The following RNF13 variants were observed in gnomAD, a reference collection of about 807,000 sequenced individuals.
RNF13 encodes the protein ring finger protein 13.
Under a neutral mutation model 37.7 loss-of-function variants are expected in RNF13, and 19 were observed. That is an observed-to-expected ratio of 0.50 (90% CI 0.35 to 0.74). The LOEUF is 0.74. Among genes scored for constraint, RNF13 ranks in the 30% least tolerant of loss-of-function variants. The pLI is 0.01. For missense variants in RNF13, 375 were observed against 453.0 expected (o/e 0.83, Z 1.56); for synonymous variants, 144 against 157.8 (o/e 0.91, Z 0.65).
At chr3:149,948,970 G>A (rs1198809821) in intron 8 of RNF13, among the ~76,000 whole-genome samples, 3 of 152,064 alleles carry the variant, frequency 2.0e-5, no homozygotes, top group South Asian at 2.1e-4. Flanking sequence ...GAAGGTTGCC[G>A]AGAGTCGAGA....
intron 9 of RNF13, 109 bp downstream of exon 9, chr3:149,960,245 C>T: frequency 1.4e-6 from 1 of 734,892 alleles, no homozygotes; most frequent in South Asian, 1.7e-5. Context: ...AGAAGCCAGG[C>T]CCTGTACTAA....
intron 4 of RNF13, among the ~76,000 whole-genome samples, chr3:149,878,801 C>T (rs370414255): frequency 5.9e-5 from 9 of 152,136 alleles, no homozygotes; most frequent in African/African-American, 1.4e-4. Context: ...AGTACTTTTT[C>T]TCCTCTATTA....
At chr3:149,854,794 A>G (rs1474025939) in intron 3 of RNF13, among the ~76,000 whole-genome samples, 1 of 152,204 alleles carries the variant, frequency 6.6e-6, no homozygotes, top group Non-Finnish European at 1.5e-5. Flanking sequence ...GTTTCCTTAC[A>G]TGTCTACTTC....
chr3:149,951,875 G>C (rs559269627), intron 8 of RNF13, among the ~76,000 whole-genome samples: 3 of 152,270 alleles, frequency 2.0e-5, no homozygotes, highest in Admixed American at 2.0e-4. Context: ...GGATACACGA[G>C]CAGCTAAAGG....
chr3:149,903,569 C>T (rs761153020), intron 6 of RNF13, among the ~76,000 whole-genome samples: 8 of 152,000 alleles, frequency 5.3e-5, no homozygotes, highest in African/African-American at 9.7e-5. Context: ...TGGAACCATA[C>T]GGTGCCTAAT....
intron 4 of RNF13, among the ~76,000 whole-genome samples, chr3:149,875,423 C>A (rs975693952): frequency 6.6e-6 from 1 of 152,038 alleles, no homozygotes; most frequent in Non-Finnish European, 1.5e-5. Flanking sequence ...ATTAAAGAAA[C>A]CTACACTTTT....
chr3:149,828,383 G>T (rs1257898944), intron 1 of RNF13, among the ~76,000 whole-genome samples: 1 of 152,130 alleles, frequency 6.6e-6, no homozygotes, highest in East Asian at 1.9e-4. Flanking sequence ...TTTATGTGAG[G>T]AATCATGAAA....
At chr3:149,834,846 C>G (rs1168509217) in intron 1 of RNF13, among the ~76,000 whole-genome samples, 1 of 152,130 alleles carries the variant, frequency 6.6e-6, no homozygotes, top group Admixed American at 6.6e-5. Flanking sequence ...TTATAAATTA[C>G]CCAGCTTCAG....
At chr3:149,941,691 G>A (rs773049477) in intron 8 of RNF13, among the ~76,000 whole-genome samples, 8 of 151,392 alleles carry the variant, frequency 5.3e-5, no homozygotes, top group Non-Finnish European at 8.8e-5. Context: ...AAAGTTTCTC[G>A]TAGTCCCATT....
At chr3:149,922,975 GAAA>G (rs1332199050) in intron 8 of RNF13, among the ~76,000 whole-genome samples, 1 of 152,014 alleles carries the variant, frequency 6.6e-6, no homozygotes, top group Non-Finnish European at 1.5e-5. Flanking sequence ...ATTCAGCAGT[GAAA>G]AAGTGTAGGG....
chr3:149,836,513 C>G (rs1470956762), intron 1 of RNF13, among the ~76,000 whole-genome samples: 1 of 151,626 alleles, frequency 6.6e-6, no homozygotes, highest in African/African-American at 2.4e-5. Flanking sequence ...AGGAAAACAA[C>G]ATAAAATAGC....
chr3:149,911,712 A>G (rs1245786380), intron 6 of RNF13, among the ~76,000 whole-genome samples: 2 of 152,080 alleles, frequency 1.3e-5, no homozygotes, highest in Non-Finnish European at 2.9e-5. Flanking sequence ...TCCAGGATAG[A>G]CACAGTAAGA....
intron 4 of RNF13, among the ~76,000 whole-genome samples, chr3:149,879,052 C>G (rs944673996): frequency 1.3e-5 from 2 of 152,142 alleles, no homozygotes; most frequent in Admixed American, 6.6e-5. Context: ...CAATTTATAA[C>G]TAGAAGTTTG....
chr3:149,832,867 T>C (rs546051733), intron 1 of RNF13, among the ~76,000 whole-genome samples: 4 of 152,088 alleles, frequency 2.6e-5, no homozygotes, highest in Non-Finnish European at 4.4e-5. Context: ...CTATGGGAGA[T>C]TGAAGCAATA....
At position 149,943,874 on chromosome 3, in the gene RNF13, C is replaced by A. The variant is rs146084943; in HGVS notation, c.701-16182C>A. The stretch of plus-strand genomic sequence containing the variant: ...ATGCACACAACGTGCAGGTTTGTTA[C>A]ATATGTATACATGTGCCATGTTGGT... On this transcript the variant is annotated intron_variant, in intron 8 of 9. Coordinates refer to ENST00000392894, the MANE Select transcript of RNF13 (RefSeq NM_183381.3). 8.2e-3 allele frequency among the ~76,000 whole-genome samples: 1,250 copies of A among 151,914 alleles called. 15 individuals carry two copies. The highest frequency in any genetic ancestry group is 0.029 in the African/African-American group (1,201 of 41,414).
intron 8 of RNF13, among the ~76,000 whole-genome samples, chr3:149,927,470 T>C (rs1423709852): frequency 6.6e-6 from 1 of 152,182 alleles, no homozygotes; most frequent in African/African-American, 2.4e-5. Flanking sequence ...TCTGTTTAAG[T>C]CCATGGATTC....
At chr3:149,832,483 C>T (rs1231134000) in intron 1 of RNF13, among the ~76,000 whole-genome samples, 1 of 152,114 alleles carries the variant, frequency 6.6e-6, no homozygotes, top group Non-Finnish European at 1.5e-5. Context: ...CAGTGACCAG[C>T]ATTAGACAAG....
Position 149,902,090 on chromosome 3 carries a change from T to C in RNF13, c.428T>C (p.Ile143Thr). The change falls in exon 6 of 10, where the codon ATT becomes ACT. Residue 143 changes from isoleucine (I) to threonine (T), a missense_variant. Ile to Thr is a moderately conservative substitution (Grantham distance 89, BLOSUM62 -1). Coordinates refer to ENST00000392894, the MANE Select transcript of RNF13 (RefSeq NM_183381.3). ...TATACAGTTGAGGTACTAAAGAAAA[T>C]TGACATTCCATCTGTCTTTATTGGT... The part of the protein sequence containing the change: ...GSNDIEVLKK[I>T]DIPSVFIGES... 1 of 1,482,730 alleles carries C rather than the reference T, an allele frequency of 6.7e-7. No individual in the cohort carries two copies. The highest frequency in any genetic ancestry group is 1.5e-5 in the African/African-American group (1 of 68,818). The allele number at this position is 1,482,730 out of a possible 1,614,324, so 91.8% of individuals were successfully genotyped here.
chr3:149,949,727 TC>T (rs1381141685), intron 8 of RNF13, among the ~76,000 whole-genome samples: 6 of 151,244 alleles, frequency 4.0e-5, no homozygotes, highest in African/African-American at 1.5e-4. Context: ...TTTCCTTCAT[TC>T]TTTTTTTTTT....
Sources: allele counts gnomAD v4.1 joint callset (sites outside exome capture counted in the v4.1 genomes callset), GRCh38; gene constraint gnomAD v4.1.1; transcripts MANE v1.5; gene names NCBI Gene and HGNC (gene_info 2026-07-23, HGNC 2026-07-21).